RNF128: variants seen among roughly 807,000 people sequenced by gnomAD.
RNF128 encodes ring finger protein 128.
RNF128 carries 13 observed loss-of-function variants against 26.2 expected under a neutral mutation model. The observed-to-expected ratio is 0.50, with a 90% CI of 0.32 to 0.79. RNF128 has a LOEUF of 0.79. Ranked by LOEUF, RNF128 falls within the 30% of genes least tolerant of loss-of-function variation. The pLI is 0.03. For missense variants in RNF128, 315 were observed against 349.7 expected, an observed-to-expected ratio of 0.90 and a Z score of 0.79; for synonymous variants, 149 against 142.5, an observed-to-expected ratio of 1.05 and a Z score of -0.32.
rs1253363559 is a variant in RNF128, at chrX:106,727,185, G to C, written c.272G>C (p.Gly91Ala). The change falls in exon 1 of 7, where the codon GGG becomes GCG. Residue 91 changes from glycine (G) to alanine (A), a missense_variant. Coordinates refer to ENST00000255499, the MANE Select transcript of RNF128 (RefSeq NM_194463.2). ...AGVLVPPDGPGALNACNPHTN... is the reference protein window; with the variant it reads ...AGVLVPPDGPAALNACNPHTN... Reference sequence around the variant, plus strand: ...GTCCTGGTACCGCCCGACGGGCCCGGGGCGCTTAACGCCTGTAACCCGCAC... The same window carrying C: ...GTCCTGGTACCGCCCGACGGGCCCGCGGCGCTTAACGCCTGTAACCCGCAC... 5.8e-6 allele frequency: 7 copies of C among 1,211,402 alleles called. No individual in the cohort carries two copies. The highest frequency in any genetic ancestry group is 7.8e-6 in the Non-Finnish European group (7 of 895,337).
rs183778119 is a variant in RNF128, at chrX:106,736,351, C to T, written c.484+8954C>T. On this transcript the variant is annotated intron_variant, in intron 1 of 6. Transcript: ENST00000255499. ...AAGTTCCAAGGTTGCTTTGGTACCACTTATTTTCCTCTTAGAATGTATTTT... is the reference window on the plus strand; with the variant it reads ...AAGTTCCAAGGTTGCTTTGGTACCATTTATTTTCCTCTTAGAATGTATTTT... Among the ~76,000 whole-genome samples, 202 of 111,626 alleles carry T rather than the reference C, an allele frequency of 1.8e-3. 1 individual carries two copies. Among genetic ancestry groups the T allele is most frequent in the African/African-American group, 6.2e-3 (192 of 30,872 alleles).
At position 106,717,279 on chromosome X, in the gene RNF128, T is replaced by A. The variant is rs1366196300; in HGVS notation, c.406+22871T>A. On this transcript the variant is annotated intron_variant, in intron 1 of 6. Coordinates refer to the RNF128 transcript ENST00000324342. ...AAAGTGACATAATCATAGCTAGGTT[T>A]TAGAAAGTATAATCTGGCTGTAATA... Among the ~76,000 whole-genome samples the A allele has an allele frequency of 2.7e-5, 3 of 111,855 alleles. No individual in the cohort carries two copies. In the East Asian group the frequency reaches 8.4e-4, roughly 31 times the overall value.
At chrX:106,728,711 C>A (rs761723984) in intron 1 of RNF128, among the ~76,000 whole-genome samples, 284 of 111,601 alleles carry the variant, frequency 2.5e-3, no homozygotes, top group African/African-American at 9.1e-3. Flanking sequence ...TCTTTTAGCC[C>A]CTTCTTTGCC....
chrX:106,751,899 G>T (rs921212819), intron 1 of RNF128, among the ~76,000 whole-genome samples: 1 of 110,492 alleles, frequency 9.1e-6, no homozygotes, highest in African/African-American at 3.3e-5. Context: ...ATGAGCCTTG[G>T]GCAAGGCTTC....
exon 1 of RNF128, chrX:106,693,989 C>T: frequency 8.5e-7 from 1 of 1,172,491 alleles, no homozygotes; most frequent in Non-Finnish European, 1.1e-6. Flanking sequence ...ATTTTATACT[C>T]AAATGAATGA....
chrX:106,767,142 G>A (rs1482928721), intron 1 of RNF128, among the ~76,000 whole-genome samples: 1 of 111,862 alleles, frequency 8.9e-6, no homozygotes, highest in Non-Finnish European at 1.9e-5. Context: ...TTTGAAGTCA[G>A]GTAGGGTGAT....
At chrX:106,699,244 G>A (rs866562312) in intron 1 of RNF128, among the ~76,000 whole-genome samples, 5 of 112,038 alleles carry the variant, frequency 4.5e-5, no homozygotes, top group Non-Finnish European at 9.4e-5. Context: ...TCCAGGCCTT[G>A]AGCCTAGGCC....
chrX:106,785,827 A>C (rs1930647405), intron 3 of RNF128, among the ~76,000 whole-genome samples: 1 of 112,348 alleles, frequency 8.9e-6, no homozygotes, highest in African/African-American at 3.2e-5. Flanking sequence ...CATGTATTTC[A>C]AAAAATAGCT....
chrX:106,723,437 C>T (rs1305753349), upstream of RNF128, among the ~76,000 whole-genome samples: 2 of 110,454 alleles, frequency 1.8e-5, no homozygotes, highest in African/African-American at 3.3e-5. Context: ...CATGGTGGCA[C>T]GCGCCTGTAA....
intron 1 of RNF128, among the ~76,000 whole-genome samples, chrX:106,737,220 T>C (rs1292394978): frequency 9.0e-6 from 1 of 111,028 alleles, no homozygotes; most frequent in African/African-American, 3.3e-5. Context: ...TAGATTTTCT[T>C]TTTTTATTAT....
At chrX:106,723,951 C>T (rs1164754890), upstream of RNF128, among the ~76,000 whole-genome samples, 2 of 111,268 alleles carry the variant, frequency 1.8e-5, no homozygotes, top group African/African-American at 6.6e-5. Flanking sequence ...TCTTTTGTCT[C>T]TCTACACCCC....
chrX:106,789,102 T>TAC (rs1189097818), intron 4 of RNF128, among the ~76,000 whole-genome samples: 3 of 85,663 alleles, frequency 3.5e-5, no homozygotes, highest in Non-Finnish European at 6.6e-5. Context: ...AGTATATATA[T>TAC]ACTATATACT....
intron 1 of RNF128, among the ~76,000 whole-genome samples, chrX:106,698,171 T>C (rs992504480): frequency 3.7e-4 from 39 of 106,422 alleles, no homozygotes; most frequent in African/African-American, 1.2e-3. Flanking sequence ...ACATGTTAAG[T>C]ACTTGCTTGC....
intron 2 of RNF128, among the ~76,000 whole-genome samples, chrX:106,783,081 G>A (rs1483159744): frequency 3.6e-5 from 4 of 111,578 alleles, no homozygotes. Flanking sequence ...TCCTTTTTAG[G>A]GTCTAGGCCT....
At chrX:106,765,736 CTT>C (rs1930209567) in intron 1 of RNF128, among the ~76,000 whole-genome samples, 2 of 111,113 alleles carry the variant, frequency 1.8e-5, no homozygotes, top group Non-Finnish European at 3.8e-5. Context: ...TATTATTATA[CTT>C]TAAGTTCTAG....
intron 1 of RNF128, among the ~76,000 whole-genome samples, chrX:106,764,280 A>T (rs761264737): frequency 3.6e-5 from 4 of 110,266 alleles, no homozygotes; most frequent in Non-Finnish European, 7.6e-5. Flanking sequence ...TTGTTTTTCA[A>T]CCTTCATCTG....
chrX:106,722,461 A>T (rs1010253427), upstream of RNF128, among the ~76,000 whole-genome samples: 1 of 111,927 alleles, frequency 8.9e-6, no homozygotes, highest in Admixed American at 9.4e-5. Context: ...CTCCTGATCA[A>T]CAGACCTCAC....
intron 1 of RNF128, among the ~76,000 whole-genome samples, chrX:106,747,625 T>C (rs191846023): frequency 2.7e-5 from 3 of 111,799 alleles, no homozygotes; most frequent in African/African-American, 9.7e-5. Context: ...TCCCAAACTG[T>C]AGACTGTTTC....
At chrX:106,792,591 T>C (rs1319357477) in intron 6 of RNF128, among the ~76,000 whole-genome samples, 1 of 111,106 alleles carries the variant, frequency 9.0e-6, no homozygotes, top group African/African-American at 3.3e-5. Context: ...TCCACAGTCA[T>C]AGTTTGAGCC....
Sources: gnomAD v4.1 joint callset for allele counts (sites outside exome capture counted in the v4.1 genomes callset) on GRCh38, gnomAD v4.1.1 for gene constraint, MANE v1.5 for transcripts, NCBI Gene and HGNC (gene_info 2026-07-23, HGNC 2026-07-21) for gene names.